WDR93: variants seen among roughly 807,000 people sequenced by gnomAD.
WDR93 encodes WD repeat domain 93.
A neutral mutation model predicts 82.9 loss-of-function variants in WDR93; 73 were observed. The ratio of observed to expected loss-of-function variants is 0.88; its 90% CI spans 0.73 to 1.07. WDR93 has a LOEUF of 1.07. Among genes scored for constraint, WDR93 ranks in the 50% least tolerant of loss-of-function variants. WDR93 has a pLI of 0.00. For synonymous variants in WDR93, 283 were observed against 300.1 expected, an observed-to-expected ratio of 0.94 and a Z score of 0.59; for missense variants, 738 against 826.0, an observed-to-expected ratio of 0.89 and a Z score of 1.31.
chr15:89,690,955 G>T (rs1440677581), intron 1 of WDR93, 98 bp downstream of exon 1: 6 of 241,194 alleles, frequency 2.5e-5, no homozygotes, highest in East Asian at 9.3e-5. Flanking sequence ...GTCTGAGGGG[G>T]TCCGTCTCCC....
Position 89,729,675 on chromosome 15 carries a change from C to T in WDR93, c.1124-8C>T, listed in dbSNP as rs754548573. The T allele has an allele frequency of 4.3e-6, 7 of 1,611,656 alleles. No individual in the cohort carries two copies. The highest frequency in any genetic ancestry group is 4.5e-5 in the East Asian group (2 of 44,856). The stretch of plus-strand genomic sequence containing the variant: ...CCATTTTCTGTCTTTCCCCCGCCCC[C>T]CCACCAGGAATGGCCTGTGTCCTTG... On this transcript the variant is annotated splice_polypyrimidine_tract_variant and splice_region_variant and intron_variant, in intron 10 of 16. Coordinates refer to ENST00000268130, the MANE Select transcript of WDR93 (RefSeq NM_020212.2).
chr15:89,697,382 A>G (rs1383795788), intron 1 of WDR93, among the ~76,000 whole-genome samples: 1 of 152,184 alleles, frequency 6.6e-6, no homozygotes, highest in East Asian at 1.9e-4. Context: ...ATTAAAAGTG[A>G]TCCATGGGTT....
chr15:89,735,453 A>T (rs1011435458), intron 13 of WDR93, 37 bp from the exon 14 acceptor site: 1 of 1,605,348 alleles, frequency 6.2e-7, no homozygotes, highest in Admixed American at 1.7e-5. Flanking sequence ...TTAAACTCTT[A>T]AAGTAGGAGA....
intron 9 of WDR93, 87 bp downstream of exon 9, chr15:89,727,415 A>G: frequency 7.0e-7 from 1 of 1,438,680 alleles, no homozygotes; most frequent in Non-Finnish European, 9.4e-7. Context: ...AGGGACCTGA[A>G]TTAATCTGAG....
At chr15:89,699,336 G>A (rs945385906) in intron 1 of WDR93, among the ~76,000 whole-genome samples, 1 of 152,066 alleles carries the variant, frequency 6.6e-6, no homozygotes, top group African/African-American at 2.4e-5. Flanking sequence ...CTTTCAAGAT[G>A]TTGCTTCACT....
upstream of WDR93, chr15:89,690,624 G>A (rs1340238151): frequency 1.3e-6 from 2 of 1,551,310 alleles, no homozygotes; most frequent in Non-Finnish European, 1.7e-6. Context: ...AGCGGGTGAA[G>A]GCGTCCATGG....
Position 89,738,242 on chromosome 15 carries a change from G to C in WDR93, c.1961+6G>C. 2 of 1,596,720 alleles carry C rather than the reference G, an allele frequency of 1.3e-6. No homozygotes were observed. The highest frequency in any genetic ancestry group is 8.5e-7 in the Non-Finnish European group (1 of 1,171,694). ...GAGCGTTTCCTCCAGAAGAGGTAAA[G>C]AGCTCTGTGTCTTCACCCCCTCCCA... On this transcript the variant is annotated splice_donor_region_variant and intron_variant, in intron 16 of 16. Transcript: ENST00000268130.
At chr15:89,721,765 C>A (rs890075467) in intron 7 of WDR93, among the ~76,000 whole-genome samples, 2 of 120,750 alleles carry the variant, frequency 1.7e-5, no homozygotes, top group East Asian at 4.1e-4. Flanking sequence ...GCTGGGACTA[C>A]AAGTGTGTCA....
At chr15:89,740,523 CAG>C (rs1488873684) in intron 16 of WDR93, among the ~76,000 whole-genome samples, 2 of 151,772 alleles carry the variant, frequency 1.3e-5, no homozygotes, top group East Asian at 3.9e-4. Context: ...GTTTTTGAAA[CAG>C]AGTTTCACTC....
chr15:89,728,620 T>C (rs1347739589), intron 9 of WDR93, among the ~76,000 whole-genome samples: 3 of 152,190 alleles, frequency 2.0e-5, no homozygotes, highest in Non-Finnish European at 1.5e-5. Flanking sequence ...ACCCTATAAA[T>C]TGGGGCCTCT....
chr15:89,718,105 C>T (rs1043624188), intron 7 of WDR93, among the ~76,000 whole-genome samples: 16 of 152,124 alleles, frequency 1.1e-4, no homozygotes, highest in African/African-American at 3.9e-4. Context: ...CTTTGGGAGC[C>T]TAAGGCAGGA....
At chr15:89,704,878 T>A (rs1965655597) in intron 3 of WDR93, 1 of 152,288 alleles carries the variant, frequency 6.6e-6, no homozygotes, top group Admixed American at 6.5e-5. Flanking sequence ...GAATGAGATA[T>A]CCCATGAATC....
At position 89,705,588 on chromosome 15, in the gene WDR93, A is replaced by T. The variant is rs17238056; in HGVS notation, c.531A>T (p.Gly177=). The stretch of plus-strand genomic sequence containing the variant: ...GACTCTTTTATTTTTATAAGGAAGG[A>T]CTTTACCTAGTCAAAGCCATCAATG... ...IIRLFYFYKE[G]LYLVKAINEV... is the part of the protein sequence containing the mutation. The change falls in exon 4 of 17, where the codon GGA becomes GGT. Residue 177 remains glycine (G), a synonymous_variant. Coordinates refer to ENST00000268130, the MANE Select transcript of WDR93 (RefSeq NM_020212.2). 0.64 allele frequency: 997,537 copies of T among 1,559,360 alleles called. 326,915 individuals are homozygous for T. Among genetic ancestry groups the T allele is most frequent in the Middle Eastern group, 0.74 (4,366 of 5,926 alleles).
Position 89,703,539 on chromosome 15 carries a change from C to T in WDR93, c.496+397C>T, listed in dbSNP as rs144376611. On this transcript the variant is annotated intron_variant, in intron 3 of 16. Coordinates refer to ENST00000268130, the MANE Select transcript of WDR93 (RefSeq NM_020212.2). ...CAGAGCTTGCTCTTTTTCCCTCAGC[C>T]TGAGGATGAACCAGGCCTCCATGAG... 1.4e-4 allele frequency: 31 copies of T among 214,768 alleles called. No homozygotes were observed. The East Asian group carries it at 3.2e-3, about 22-fold the overall frequency. The allele number at this position is 214,768 out of a possible 1,614,324, so 13.3% of individuals were successfully genotyped here.
chr15:89,710,631 C>T (rs994842136), intron 4 of WDR93, among the ~76,000 whole-genome samples: 13 of 151,960 alleles, frequency 8.6e-5, no homozygotes, highest in African/African-American at 2.2e-4. Context: ...GGGAATGTCC[C>T]GCAACTCATT....
chr15:89,727,356 G>A lies in WDR93; in HGVS notation c.1052+28G>A, dbSNP rs1041844996. 4.3e-6 allele frequency: 7 copies of A among 1,610,040 alleles called. No homozygotes were observed. In the Admixed American group the frequency reaches 1.0e-4, roughly 23 times the overall value. On this transcript the variant is annotated intron_variant, in intron 9 of 16. Transcript: ENST00000268130. ...GAGCCTCCTAATCCCGGGAAAGCCA[G>A]GGAGCATCCCCAGGCTTCTGCTGTC...
intron 3 of WDR93, 26 bp from the exon 4 acceptor site, chr15:89,705,528 C>T (rs748944139): frequency 1.5e-6 from 2 of 1,336,666 alleles, no homozygotes; most frequent in Non-Finnish European, 2.2e-6. Flanking sequence ...TCTGTCTTAA[C>T]ATTCTCACTT....
intron 4 of WDR93, among the ~76,000 whole-genome samples, chr15:89,709,073 G>A (rs537286363): frequency 6.6e-6 from 1 of 152,360 alleles, no homozygotes; most frequent in East Asian, 1.9e-4. Context: ...TAACCAGGGT[G>A]CAGGAGAACA....
chr15:89,707,755 G>A (rs1269527541), intron 4 of WDR93, among the ~76,000 whole-genome samples: 1 of 152,176 alleles, frequency 6.6e-6, no homozygotes, highest in African/African-American at 2.4e-5. Context: ...AGTTAAACAT[G>A]TACTTACCAT....
Sources: gnomAD v4.1 joint callset for allele counts (sites outside exome capture counted in the v4.1 genomes callset) on GRCh38, gnomAD v4.1.1 for gene constraint, MANE v1.5 for transcripts, NCBI Gene and HGNC (gene_info 2026-07-23, HGNC 2026-07-21) for gene names.